Variants in NTRK2 observed in about 807,000 individuals in gnomAD.
The protein encoded by NTRK2 is neurotrophic receptor tyrosine kinase 2, also known as BDNF/NT-3 growth factors receptor.
Under a neutral mutation model 94.5 loss-of-function variants are expected in NTRK2, and 13 were observed. The ratio of observed to expected loss-of-function variants is 0.14; its 90% CI spans 0.09 to 0.22. The LOEUF (loss-of-function observed/expected upper bound fraction) is 0.22. NTRK2 is among the 10% of genes least tolerant of loss of function. The pLI, the probability that NTRK2 is intolerant of heterozygous loss-of-function variation, is 1.00. For synonymous variants in NTRK2, 372 were observed against 407.4 expected (o/e 0.91, Z 1.05); for missense variants, 639 against 1,071.2 (o/e 0.60, Z 5.63).
intron 15 of NTRK2, among the ~76,000 whole-genome samples, chr9:84,945,546 G>T (rs4877892): frequency 6.6e-6 from 1 of 152,040 alleles, no homozygotes; most frequent in Non-Finnish European, 1.5e-5. Context: ...TTTTTCTACT[G>T]TGAAGTTCAG....
chr9:84,978,021 G>A (rs908514868), intron 17 of NTRK2, among the ~76,000 whole-genome samples: 9 of 152,010 alleles, frequency 5.9e-5, no homozygotes, highest in African/African-American at 2.2e-4. Context: ...TCTACCAACT[G>A]GATATTTGCC....
At chr9:84,943,258 C>A (rs754271290) in intron 15 of NTRK2, among the ~76,000 whole-genome samples, 18 of 152,188 alleles carry the variant, frequency 1.2e-4, no homozygotes, top group Non-Finnish European at 2.1e-4. Context: ...TTCTATCACA[C>A]CAATGATTTC....
chr9:84,961,454 A>G (rs1343914061), intron 17 of NTRK2, among the ~76,000 whole-genome samples: 1 of 152,232 alleles, frequency 6.6e-6, no homozygotes, highest in African/African-American at 2.4e-5. Context: ...CCCGTCTGCC[A>G]GGGAGAAGTC....
intron 12 of NTRK2, among the ~76,000 whole-genome samples, chr9:84,755,567 G>A (rs1172933213): frequency 2.0e-5 from 2 of 101,234 alleles, no homozygotes; most frequent in Admixed American, 3.1e-4. Context: ...TATTCCATAT[G>A]AGTCATGGCC....
upstream of NTRK2, among the ~76,000 whole-genome samples, chr9:84,669,061 A>G (rs1478194956): frequency 6.6e-6 from 1 of 151,584 alleles, no homozygotes; most frequent in African/African-American, 2.4e-5. The surrounding 1 kb of genome is among the most constrained non-coding windows in gnomAD (Gnocchi z 4.1). Flanking sequence ...GTGTTTGGAG[A>G]CTCCCTTCCC....
intron 12 of NTRK2, among the ~76,000 whole-genome samples, chr9:84,757,891 T>C (rs904191383): frequency 6.6e-5 from 10 of 152,140 alleles, no homozygotes; most frequent in Admixed American, 5.9e-4. Context: ...AAGATATATA[T>C]GTTTAAATGT....
intron 12 of NTRK2, among the ~76,000 whole-genome samples, chr9:84,840,556 G>A (rs748288915): frequency 6.6e-6 from 1 of 151,924 alleles, no homozygotes; most frequent in Non-Finnish European, 1.5e-5. Flanking sequence ...CCCAGCCATT[G>A]TCCACTCTCT....
At chr9:84,782,472 C>T (rs943730728) in intron 12 of NTRK2, among the ~76,000 whole-genome samples, 5 of 152,150 alleles carry the variant, frequency 3.3e-5, no homozygotes, top group Admixed American at 1.3e-4. Context: ...CTGTGGCTGT[C>T]GCTCTAGCAG....
chr9:84,766,981 A>G (rs1189384864), intron 12 of NTRK2, among the ~76,000 whole-genome samples: 1 of 152,188 alleles, frequency 6.6e-6, no homozygotes, highest in African/African-American at 2.4e-5. Context: ...CCCCTGGGTC[A>G]TAGTGTACAC....
intron 12 of NTRK2, among the ~76,000 whole-genome samples, chr9:84,856,382 C>T (rs182163395): frequency 2.0e-5 from 3 of 152,270 alleles, no homozygotes; most frequent in South Asian, 2.1e-4. Flanking sequence ...GTTCTGTGCC[C>T]GGAGGGACTG....
chr9:84,739,213 G>A (rs973572594), intron 9 of NTRK2, among the ~76,000 whole-genome samples: 19 of 151,960 alleles, frequency 1.3e-4, no homozygotes, highest in African/African-American at 3.9e-4. Context: ...ACCATGCCTC[G>A]CTAATTTTTG....
At chr9:84,918,621 T>C (rs759726738) in intron 14 of NTRK2, among the ~76,000 whole-genome samples, 3 of 152,246 alleles carry the variant, frequency 2.0e-5, no homozygotes, top group Admixed American at 2.0e-4. Context: ...TTTAACAAAC[T>C]CTTTGCTTTG....
At chr9:84,973,722 G>C (rs953716500) in intron 17 of NTRK2, among the ~76,000 whole-genome samples, 1 of 152,196 alleles carries the variant, frequency 6.6e-6, no homozygotes, top group African/African-American at 2.4e-5. Context: ...CCTCAGTTGT[G>C]AAATGAGGAC....
intron 14 of NTRK2, among the ~76,000 whole-genome samples, chr9:84,889,310 A>G (rs1404789827): frequency 6.6e-6 from 1 of 152,050 alleles, no homozygotes; most frequent in Non-Finnish European, 1.5e-5. Context: ...AATTTTTTAA[A>G]AAGTGGCTCT....
chr9:84,874,107 C>T (rs200865816), intron 14 of NTRK2: 1 of 1,064,712 alleles, frequency 9.4e-7, no homozygotes, highest in Non-Finnish European at 1.1e-6. Flanking sequence ...GTGTGTGTAC[C>T]AACAGGATGA....
At chr9:84,710,304 A>G (rs2061351158) in intron 5 of NTRK2, among the ~76,000 whole-genome samples, 1 of 152,264 alleles carries the variant, frequency 6.6e-6, no homozygotes, top group African/African-American at 2.4e-5. Context: ...ATAACTCTAT[A>G]ATAACCATGA....
chr9:84,810,590 G>C, intron 12 of NTRK2: 9 of 1,613,988 alleles, frequency 5.6e-6, no homozygotes, highest in Non-Finnish European at 7.6e-6. Context: ...CTGAAATAAA[G>C]GAAAAGACAG....
chr9:84,819,876 C>A (rs1483192588), intron 12 of NTRK2, among the ~76,000 whole-genome samples: 5 of 152,202 alleles, frequency 3.3e-5, no homozygotes, highest in Non-Finnish European at 7.3e-5. Flanking sequence ...CCGCCCGCAT[C>A]TCTCTGTGTG....
chr9:84,999,847 T>C (rs1830145859), intron 17 of NTRK2, among the ~76,000 whole-genome samples: 1 of 152,134 alleles, frequency 6.6e-6, no homozygotes, highest in African/African-American at 2.4e-5. Context: ...CACCCCACTG[T>C]TTCCTGTAGG....
Sources: gnomAD v4.1 joint callset for allele counts (sites outside exome capture counted in the v4.1 genomes callset) on GRCh38, gnomAD v4.1.1 for gene constraint, Gnocchi (gnomAD v3.1) non-coding constraint, MANE v1.5 for transcripts, NCBI Gene and HGNC (gene_info 2026-07-23, HGNC 2026-07-21) for gene names.